Variants in SHLD2 observed in about 807,000 individuals in gnomAD.
SHLD2 encodes shieldin complex subunit 2.
Under a neutral mutation model 73.2 loss-of-function variants are expected in SHLD2, and 30 were observed. The observed-to-expected ratio is 0.41, with a 90% CI of 0.31 to 0.56. SHLD2 has a LOEUF of 0.56. Among genes scored for constraint, SHLD2 ranks in the 20% least tolerant of loss-of-function variants. The pLI is 0.28. For missense variants in SHLD2, 745 were observed against 1,055.9 expected (o/e 0.71, Z 4.08); for synonymous variants, 285 against 370.1 (o/e 0.77, Z 2.64).
rs1847529382 is a variant in SHLD2, at chr10:87,170,588, A to G, written c.1744A>G (p.Ile582Val). 3.7e-6 allele frequency: 6 copies of G among 1,613,746 alleles called. No homozygotes were observed. The highest frequency in any genetic ancestry group is 5.1e-6 in the Non-Finnish European group (6 of 1,179,784). ...PPRQPQRVNS[I>V]DFVELEHLQP... Reference sequence around the variant, plus strand: ...GAGGCAGCCTCAGAGGGTGAACAGTATAGACTTTGTAGAATTGGAGCACCT... The same window carrying G: ...GAGGCAGCCTCAGAGGGTGAACAGTGTAGACTTTGTAGAATTGGAGCACCT... Residue 582 changes from isoleucine (I) to valine (V), a missense_variant, in exon 5 of 10, where the codon ATA (isoleucine) becomes GTA (valine). By Grantham distance (29) the Ile-to-Val change is conservative. This residue lies in a region of SHLD2 where 418 missense variants were observed against 567.8 expected (regional missense o/e 0.74). Coordinates refer to ENST00000298786, the MANE Select transcript of SHLD2 (RefSeq NM_001330112.2).
chr10:87,097,546 C>T (rs1186931052), intron 2 of SHLD2, among the ~76,000 whole-genome samples: 1 of 151,886 alleles, frequency 6.6e-6, no homozygotes, highest in Non-Finnish European at 1.5e-5. Context: ...GAGCCGAGAT[C>T]GTGCCATTGC....
intron 2 of SHLD2, among the ~76,000 whole-genome samples, chr10:87,099,936 C>T (rs1042835688): frequency 1.5e-4 from 23 of 151,882 alleles, no homozygotes; most frequent in Admixed American, 1.1e-3. Flanking sequence ...CTATTCAGAT[C>T]CTTTGCCCAT....
At chr10:87,111,193 A>G (rs1266945467) in intron 2 of SHLD2, among the ~76,000 whole-genome samples, 2 of 151,538 alleles carry the variant, frequency 1.3e-5, no homozygotes, top group African/African-American at 4.9e-5. Context: ...ACAGGGTCTC[A>G]TCATGTTGCC....
At chr10:87,128,061 C>T (rs9420450) in intron 2 of SHLD2, among the ~76,000 whole-genome samples, 48,373 of 151,826 alleles carry the variant, frequency 0.32, 8,449 homozygotes, top group East Asian at 0.74. Context: ...TATTTTTTAA[C>T]CTTAATTTTT....
chr10:87,128,383 G>C (rs1844189761), intron 2 of SHLD2, among the ~76,000 whole-genome samples: 2 of 151,990 alleles, frequency 1.3e-5, no homozygotes, highest in Non-Finnish European at 2.9e-5. Context: ...CACTTACTTT[G>C]TCAGTTTCAT....
chr10:87,103,342 G>A (rs1004746228), intron 2 of SHLD2, among the ~76,000 whole-genome samples: 1 of 152,156 alleles, frequency 6.6e-6, no homozygotes, highest in Non-Finnish European at 1.5e-5. Flanking sequence ...AGATGGAAGT[G>A]GGGATACTAT....
chr10:87,127,541 C>CCCCG (rs1554829077), intron 2 of SHLD2, among the ~76,000 whole-genome samples: 5 of 82,148 alleles, frequency 6.1e-5, no homozygotes, highest in African/African-American at 1.3e-4. Context: ...CCCCCCCCAC[C>CCCCG]CCGTCTGCCA....
intron 8 of SHLD2, among the ~76,000 whole-genome samples, chr10:87,185,160 A>C (rs1848540503): frequency 6.6e-6 from 1 of 152,140 alleles, no homozygotes; most frequent in African/African-American, 2.4e-5. Context: ...ATTTTATATA[A>C]ATATTATATA....
chr10:87,125,608 G>A (rs1296606187), intron 2 of SHLD2, among the ~76,000 whole-genome samples: 4 of 152,152 alleles, frequency 2.6e-5, no homozygotes, highest in African/African-American at 9.7e-5. Flanking sequence ...GTGGTGGCGG[G>A]TGCCTGTCAT....
chr10:87,156,309 C>T (rs1192777068), intron 3 of SHLD2, among the ~76,000 whole-genome samples: 3 of 152,078 alleles, frequency 2.0e-5, no homozygotes, highest in Non-Finnish European at 4.4e-5. Context: ...TTGTGATCTG[C>T]CCACCTCGGC....
At chr10:87,133,104 T>G (rs993014238) in intron 2 of SHLD2, among the ~76,000 whole-genome samples, 3 of 152,210 alleles carry the variant, frequency 2.0e-5, no homozygotes, top group East Asian at 1.9e-4. Context: ...AAAGTAGTCT[T>G]TCTTAACTAT....
chr10:87,145,776 T>C (rs1183620632), intron 2 of SHLD2, among the ~76,000 whole-genome samples: 1 of 147,508 alleles, frequency 6.8e-6, no homozygotes, highest in African/African-American at 2.5e-5. Flanking sequence ...TATTGGTTTT[T>C]CCGACTGAAG....
intron 9 of SHLD2, among the ~76,000 whole-genome samples, chr10:87,188,701 G>A (rs977492147): frequency 6.6e-6 from 1 of 152,122 alleles, no homozygotes; most frequent in African/African-American, 2.4e-5. Context: ...CCCAAGGCCT[G>A]CCCCAAGGGA....
chr10:87,129,144 G>A (rs1844250937), intron 2 of SHLD2, among the ~76,000 whole-genome samples: 2 of 152,208 alleles, frequency 1.3e-5, no homozygotes, highest in Admixed American at 6.5e-5. Flanking sequence ...AGGCTGGAGT[G>A]CAGTGGTGCG....
intron 4 of SHLD2, among the ~76,000 whole-genome samples, chr10:87,161,499 G>T (rs1156320085): frequency 6.6e-6 from 1 of 151,882 alleles, no homozygotes; most frequent in Admixed American, 6.6e-5. Context: ...TAAACAGAGG[G>T]CATAATGATA....
At chr10:87,127,668 A>G (rs1014083006) in intron 2 of SHLD2, among the ~76,000 whole-genome samples, 2 of 151,166 alleles carry the variant, frequency 1.3e-5, no homozygotes, top group African/African-American at 4.9e-5. Context: ...GTGACAGTGA[A>G]ATTATTTGAT....
At chr10:87,157,445 C>T (rs1382216322) in intron 3 of SHLD2, among the ~76,000 whole-genome samples, 3 of 152,166 alleles carry the variant, frequency 2.0e-5, no homozygotes, top group Non-Finnish European at 4.4e-5. Flanking sequence ...ACAATTGTTT[C>T]TACCTGTTGG....
intron 2 of SHLD2, among the ~76,000 whole-genome samples, chr10:87,142,628 G>A (rs1163680866): frequency 1.3e-5 from 2 of 152,172 alleles, no homozygotes. Context: ...TGGAAGTAGA[G>A]CACGGGGAAA....
intron 2 of SHLD2, among the ~76,000 whole-genome samples, chr10:87,115,937 C>T (rs1046302050): frequency 2.6e-5 from 4 of 152,054 alleles, no homozygotes; most frequent in Non-Finnish European, 5.9e-5. Context: ...GGGCTTGTGA[C>T]TGTGTCATGT....
Sources: allele counts gnomAD v4.1 joint callset (sites outside exome capture counted in the v4.1 genomes callset), GRCh38; gene constraint gnomAD v4.1.1; regional missense constraint gnomAD v4.1.1; transcripts MANE v1.5; gene names NCBI Gene and HGNC (gene_info 2026-07-23, HGNC 2026-07-21).